The following DOCK1 variants were observed in gnomAD, a reference collection of about 807,000 sequenced individuals.
DOCK1 encodes the protein dedicator of cytokinesis protein 1.
DOCK1 carries 138 observed loss-of-function variants against 262.7 expected under a neutral mutation model. That is an observed-to-expected ratio of 0.53 (90% CI 0.46 to 0.61). The LOEUF is 0.61. Among genes scored for constraint, DOCK1 ranks in the 20% least tolerant of loss-of-function variants. The pLI is 0.00. For synonymous variants in DOCK1, 866 were observed against 867.4 expected (o/e 1.00, Z 0.03); for missense variants, 1,908 against 2,370.7 (o/e 0.80, Z 4.05).
At chr10:126,951,086 G>T (rs1304958539) in intron 1 of DOCK1, among the ~76,000 whole-genome samples, 1 of 151,488 alleles carries the variant, frequency 6.6e-6, no homozygotes, top group African/African-American at 2.4e-5. Flanking sequence ...AGTGTTTTTA[G>T]TATTGATGAT....
chr10:127,223,225 CA>C (rs2058508852), intron 27 of DOCK1, among the ~76,000 whole-genome samples: 1 of 152,108 alleles, frequency 6.6e-6, no homozygotes. Flanking sequence ...CAGCAACTTT[CA>C]AGGTTTTTTT....
At chr10:127,208,481 T>C (rs1490337461) in intron 27 of DOCK1, among the ~76,000 whole-genome samples, 1 of 152,304 alleles carries the variant, frequency 6.6e-6, no homozygotes, top group East Asian at 1.9e-4. Context: ...TCCAAACAAT[T>C]GAGATGAATA....
intron 29 of DOCK1, among the ~76,000 whole-genome samples, chr10:127,331,316 C>G (rs1302346764): frequency 1.3e-5 from 2 of 152,046 alleles, no homozygotes; most frequent in Non-Finnish European, 2.9e-5. Flanking sequence ...GAGTCTTGCT[C>G]TTGTTACCCA....
At chr10:127,065,836 A>G (rs577315695) in intron 23 of DOCK1, among the ~76,000 whole-genome samples, 3 of 143,476 alleles carry the variant, frequency 2.1e-5, no homozygotes, top group African/African-American at 5.1e-5. Context: ...CCTGGGCAAC[A>G]AGAGCAAAAC....
At chr10:127,403,947 T>C (rs754874744) in intron 39 of DOCK1, among the ~76,000 whole-genome samples, 1 of 152,190 alleles carries the variant, frequency 6.6e-6, no homozygotes, top group Non-Finnish European at 1.5e-5. Context: ...ACGATTCTGT[T>C]CCTTTAAATT....
intron 38 of DOCK1, among the ~76,000 whole-genome samples, chr10:127,400,789 C>T (rs2067177890): frequency 6.6e-6 from 1 of 152,156 alleles, no homozygotes; most frequent in Non-Finnish European, 1.5e-5. Context: ...CACCTCCCAC[C>T]CCCAGTCATG....
chr10:127,168,608 T>C (rs1443949303), intron 27 of DOCK1, among the ~76,000 whole-genome samples: 1 of 152,248 alleles, frequency 6.6e-6, no homozygotes, highest in African/African-American at 2.4e-5. Context: ...CATTCTCAGC[T>C]AACCAGGTGG....
intron 27 of DOCK1, among the ~76,000 whole-genome samples, chr10:127,185,454 A>C (rs2056142513): frequency 6.6e-6 from 1 of 152,144 alleles, no homozygotes; most frequent in South Asian, 2.1e-4. Flanking sequence ...TGAACCAGGG[A>C]GTGGGAGGTT....
chr10:127,275,877 C>T (rs779575915), intron 29 of DOCK1, among the ~76,000 whole-genome samples: 9 of 152,190 alleles, frequency 5.9e-5, no homozygotes, highest in Non-Finnish European at 1.3e-4. Context: ...ATTATGATCT[C>T]TATATCTCTG....
chr10:127,411,876 T>C (rs2067871589), intron 43 of DOCK1, among the ~76,000 whole-genome samples: 1 of 152,208 alleles, frequency 6.6e-6, no homozygotes, highest in South Asian at 2.1e-4. Flanking sequence ...AAATAAAACA[T>C]CTGCCCCTTG....
chr10:126,987,687 T>G (rs1309237439), intron 5 of DOCK1, 70 bp downstream of exon 5: 3 of 1,309,860 alleles, frequency 2.3e-6, no homozygotes, highest in African/African-American at 1.5e-5. Flanking sequence ...GATATGCCAA[T>G]GGGATGTTTT....
At chr10:126,980,838 T>C (rs932947512) in intron 3 of DOCK1, among the ~76,000 whole-genome samples, 1 of 152,202 alleles carries the variant, frequency 6.6e-6, no homozygotes, top group African/African-American at 2.4e-5. Context: ...AAGCGGTAGC[T>C]GGGCTGCGTT....
chr10:127,425,508 T>G (rs1475014973), intron 46 of DOCK1, among the ~76,000 whole-genome samples: 1 of 152,198 alleles, frequency 6.6e-6, no homozygotes, highest in Non-Finnish European at 1.5e-5. Flanking sequence ...GCAATATTCT[T>G]AGCTAAAAAA....
Position 127,074,143 on chromosome 10 carries a change from T to G in DOCK1, c.2445+12367T>G, listed in dbSNP as rs547560309. Reference sequence around the variant, plus strand: ...AATACTTGCAAAATTTCATTAAAATTGTTTTTGCAGAATTTTATGATAGAA... The same window carrying G: ...AATACTTGCAAAATTTCATTAAAATGGTTTTTGCAGAATTTTATGATAGAA... On this transcript the variant is annotated intron_variant, in intron 23 of 51. Transcript: ENST00000623213. Among the ~76,000 whole-genome samples the G allele has an allele frequency of 8.5e-5, 13 of 152,368 alleles. No individual in the cohort carries two copies. The East Asian group carries it at 1.5e-3, about 18-fold the overall frequency.
intron 1 of DOCK1, among the ~76,000 whole-genome samples, chr10:126,954,352 C>T (rs1332413155): frequency 6.6e-6 from 1 of 152,226 alleles, no homozygotes; most frequent in Non-Finnish European, 1.5e-5. Flanking sequence ...GTAGGACCCT[C>T]CACAACCTCA....
intron 4 of DOCK1, among the ~76,000 whole-genome samples, chr10:126,983,495 TGTCTCTTGCTG>T (rs1303974317): frequency 6.6e-6 from 1 of 152,228 alleles, no homozygotes; most frequent in Non-Finnish European, 1.5e-5. Context: ...TTTCAGGATC[TGTCTCTTGCTG>T]GTCTCTTGCA....
intron 27 of DOCK1, among the ~76,000 whole-genome samples, chr10:127,144,807 G>A (rs1046065252): frequency 6.6e-6 from 1 of 152,086 alleles, no homozygotes; most frequent in Admixed American, 6.5e-5. Flanking sequence ...ATTTTACATG[G>A]TAGGTGCATT....
intron 29 of DOCK1, among the ~76,000 whole-genome samples, chr10:127,307,991 C>T (rs1403253105): frequency 6.6e-6 from 1 of 152,238 alleles, no homozygotes; most frequent in Non-Finnish European, 1.5e-5. Flanking sequence ...TTTGAGACTG[C>T]CTTGAACCAT....
At chr10:127,206,985 G>A (rs2057752706) in intron 27 of DOCK1, among the ~76,000 whole-genome samples, 1 of 152,156 alleles carries the variant, frequency 6.6e-6, no homozygotes, top group African/African-American at 2.4e-5. Flanking sequence ...GGCCTATTAA[G>A]TATTTTACTT....
Sources: allele counts gnomAD v4.1 joint callset (sites outside exome capture counted in the v4.1 genomes callset), GRCh38; gene constraint gnomAD v4.1.1; transcripts MANE v1.5; gene names NCBI Gene and HGNC (gene_info 2026-07-23, HGNC 2026-07-21).